ABTB3: variants seen among roughly 807,000 people sequenced by gnomAD.
The protein encoded by ABTB3 is ankyrin repeat- and BTB/POZ domain-containing protein 3.
At chr12:107,534,951 A>G in the ABTB3 span, among the ~76,000 whole-genome samples, 2 of 152,188 alleles carry the variant, frequency 1.3e-5, no homozygotes, top group Non-Finnish European at 2.9e-5. Flanking sequence ...TACAATGCCA[A>G]TATTATCCTA....
chr12:107,463,805 C>T, the ABTB3 span, among the ~76,000 whole-genome samples: 2 of 152,174 alleles, frequency 1.3e-5, no homozygotes, highest in Non-Finnish European at 2.9e-5. Flanking sequence ...AACAACTTTG[C>T]CTAATTCTGT....
the ABTB3 span, among the ~76,000 whole-genome samples, chr12:107,506,389 CAT>C: frequency 9.2e-5 from 14 of 152,086 alleles, no homozygotes; most frequent in Non-Finnish European, 1.3e-4. Context: ...ACTGGGAAAA[CAT>C]GTGTGCATGA....
the ABTB3 span, among the ~76,000 whole-genome samples, chr12:107,408,228 A>G: frequency 6.6e-6 from 1 of 152,366 alleles, no homozygotes; most frequent in Admixed American, 6.5e-5. Context: ...AGAGAAAGGC[A>G]GAGAAGTAAT....
At chr12:107,526,263 C>G in the ABTB3 span, among the ~76,000 whole-genome samples, 1 of 152,128 alleles carries the variant, frequency 6.6e-6, no homozygotes, top group Non-Finnish European at 1.5e-5. Flanking sequence ...TAAGCTAAAT[C>G]AAGAGGCCAC....
the ABTB3 span, among the ~76,000 whole-genome samples, chr12:107,445,044 C>G: frequency 1.3e-5 from 2 of 152,220 alleles, no homozygotes; most frequent in African/African-American, 4.8e-5. Flanking sequence ...TGCCTCTGAT[C>G]GTGGCTCTCC....
the ABTB3 span, among the ~76,000 whole-genome samples, chr12:107,427,791 T>C: frequency 1.3e-5 from 2 of 152,204 alleles, no homozygotes; most frequent in Non-Finnish European, 2.9e-5. Context: ...TGGCTTATGA[T>C]CAAAGTTTAA....
chr12:107,516,509 G>A, the ABTB3 span, among the ~76,000 whole-genome samples: 2 of 152,298 alleles, frequency 1.3e-5, no homozygotes, highest in South Asian at 2.1e-4. Context: ...TGGGATTACA[G>A]GCGTGAGACA....
chr12:107,570,156 C>A, the ABTB3 span, among the ~76,000 whole-genome samples: 2 of 152,182 alleles, frequency 1.3e-5, no homozygotes, highest in Non-Finnish European at 2.9e-5. Context: ...GAGGAGAACA[C>A]GTATAGAGGG....
At chr12:107,395,389 A>T in the ABTB3 span, among the ~76,000 whole-genome samples, 1 of 152,152 alleles carries the variant, frequency 6.6e-6, no homozygotes, top group South Asian at 2.1e-4. Flanking sequence ...TCAGATGAGG[A>T]AATGAATGCA....
the ABTB3 span, among the ~76,000 whole-genome samples, chr12:107,548,946 G>T: frequency 6.6e-6 from 1 of 152,158 alleles, no homozygotes; most frequent in African/African-American, 2.4e-5. Context: ...TAGCTAGCTG[G>T]TAATGCCTAG....
the ABTB3 span, among the ~76,000 whole-genome samples, chr12:107,545,640 G>A: frequency 6.6e-5 from 10 of 152,148 alleles, no homozygotes; most frequent in African/African-American, 2.4e-4. Flanking sequence ...AATTACTCAG[G>A]TCTCCCACCA....
the ABTB3 span, among the ~76,000 whole-genome samples, chr12:107,562,576 TC>T: frequency 6.6e-6 from 1 of 152,198 alleles, no homozygotes; most frequent in East Asian, 1.9e-4. Flanking sequence ...CAGGGTCAGA[TC>T]CTACAGGTCC....
chr12:107,545,438 G>T, the ABTB3 span, among the ~76,000 whole-genome samples: 1 of 151,866 alleles, frequency 6.6e-6, no homozygotes, highest in Non-Finnish European at 1.5e-5. Context: ...TAGAGACAGG[G>T]TTTCACCATG....
chr12:107,617,448 T>G, the ABTB3 span: 1 of 1,613,752 alleles, frequency 6.2e-7, no homozygotes, highest in Non-Finnish European at 8.5e-7. Flanking sequence ...TAGGCTAGGA[T>G]GGGCCAAAGC....
At chr12:107,645,776 G>C in the ABTB3 span, among the ~76,000 whole-genome samples, 4 of 152,226 alleles carry the variant, frequency 2.6e-5, no homozygotes, top group Admixed American at 2.6e-4. Context: ...GGAAACGGCA[G>C]TCCCCGGAGG....
the ABTB3 span, among the ~76,000 whole-genome samples, chr12:107,411,218 T>A: frequency 6.6e-6 from 1 of 152,172 alleles, no homozygotes; most frequent in Non-Finnish European, 1.5e-5. Context: ...GAGAATCACT[T>A]GAACCCAGGA....
At chr12:107,600,148 T>C in the ABTB3 span, among the ~76,000 whole-genome samples, 206 of 152,254 alleles carry the variant, frequency 1.4e-3, 2 homozygotes, top group African/African-American at 4.8e-3. Flanking sequence ...AGCTTACCTT[T>C]TGGGGTTCCT....
At chr12:107,492,525 T>A in the ABTB3 span, among the ~76,000 whole-genome samples, 1 of 152,166 alleles carries the variant, frequency 6.6e-6, no homozygotes, top group African/African-American at 2.4e-5. Context: ...CTTCTCATAA[T>A]GCCAGTGGCA....
At chr12:107,467,581 C>T in the ABTB3 span, among the ~76,000 whole-genome samples, 4,620 of 152,236 alleles carry the variant, frequency 0.03, 118 homozygotes, top group Non-Finnish European at 0.044. Flanking sequence ...CGTTACTCCA[C>T]AGCCACTGAC....
Sources: allele counts gnomAD v4.1 joint callset (sites outside exome capture counted in the v4.1 genomes callset), GRCh38; gene constraint gnomAD v4.1.1; transcripts MANE v1.5; gene names NCBI Gene and HGNC (gene_info 2026-07-23, HGNC 2026-07-21).